Variants in SEMA3E observed in about 807,000 individuals in gnomAD.
SEMA3E encodes the protein semaphorin-3E.
Under a neutral mutation model 93.6 loss-of-function variants are expected in SEMA3E, and 49 were observed. That is an observed-to-expected ratio of 0.52 (90% CI 0.42 to 0.66). The LOEUF is 0.66. SEMA3E is among the 30% of genes least tolerant of loss of function. The pLI, the probability that SEMA3E is intolerant of heterozygous loss-of-function variation, is 0.00. For synonymous variants in SEMA3E, 363 were observed against 330.7 expected (o/e 1.10, Z -1.06); for missense variants, 906 against 964.8 (o/e 0.94, Z 0.81).
chr7:83,417,903 TA>T (rs1357302794), intron 5 of SEMA3E, among the ~76,000 whole-genome samples: 3 of 152,122 alleles, frequency 2.0e-5, no homozygotes, highest in East Asian at 3.9e-4. Context: ...GTTTACATTC[TA>T]GATTAACAGA....
chr7:83,459,342 C>A (rs1789561393), intron 4 of SEMA3E, among the ~76,000 whole-genome samples: 1 of 152,032 alleles, frequency 6.6e-6, no homozygotes, highest in Non-Finnish European at 1.5e-5. Context: ...ATTCTATAAC[C>A]AAGGAAAATT....
intron 1 of SEMA3E, among the ~76,000 whole-genome samples, chr7:83,643,802 A>C (rs906680742): frequency 9.9e-5 from 15 of 151,994 alleles, no homozygotes; most frequent in African/African-American, 3.4e-4. Flanking sequence ...CTTAATTCTC[A>C]CTGTCTCTCC....
intron 4 of SEMA3E, among the ~76,000 whole-genome samples, chr7:83,437,491 CT>C (rs563728205): frequency 2.6e-5 from 4 of 151,982 alleles, no homozygotes; most frequent in East Asian, 3.9e-4. Flanking sequence ...ATAACATAAA[CT>C]TTTTTTCACT....
intron 2 of SEMA3E, among the ~76,000 whole-genome samples, chr7:83,489,019 A>G (rs1790324637): frequency 6.6e-6 from 1 of 152,110 alleles, no homozygotes; most frequent in South Asian, 2.1e-4. Context: ...AAGGGAGGGA[A>G]AAGTGTGATA....
chr7:83,513,769 A>G (rs528341513), intron 1 of SEMA3E, among the ~76,000 whole-genome samples: 5 of 152,192 alleles, frequency 3.3e-5, no homozygotes, highest in Non-Finnish European at 5.9e-5. Flanking sequence ...TCAAATATTA[A>G]TAAATTATAT....
At chr7:83,587,640 A>G (rs1277019087) in intron 1 of SEMA3E, among the ~76,000 whole-genome samples, 1 of 152,120 alleles carries the variant, frequency 6.6e-6, no homozygotes, top group Non-Finnish European at 1.5e-5. Flanking sequence ...AACCATTTGT[A>G]TATATATAAA....
chr7:83,387,989 A>G (rs1278873236), intron 14 of SEMA3E, among the ~76,000 whole-genome samples: 1 of 146,528 alleles, frequency 6.8e-6, no homozygotes, highest in Non-Finnish European at 1.5e-5. Context: ...TATATATATT[A>G]TGTATATAAT....
intron 1 of SEMA3E, among the ~76,000 whole-genome samples, chr7:83,595,088 G>A (rs1792842171): frequency 6.6e-6 from 1 of 151,990 alleles, no homozygotes; most frequent in African/African-American, 2.4e-5. Flanking sequence ...GTGAAGGAAG[G>A]CTAAACTAAA....
intron 1 of SEMA3E, among the ~76,000 whole-genome samples, chr7:83,627,595 C>T (rs1448301992): frequency 7.6e-6 from 1 of 132,348 alleles, no homozygotes; most frequent in East Asian, 2.2e-4. Context: ...GGTTTAAAGG[C>T]TGTTTTATCA....
chr7:83,573,449 T>G (rs1270673597), intron 1 of SEMA3E, among the ~76,000 whole-genome samples: 2 of 152,102 alleles, frequency 1.3e-5, no homozygotes, highest in African/African-American at 4.8e-5. Flanking sequence ...TCTTAAAAAT[T>G]TTCATAGGAA....
chr7:83,553,647 A>G (rs990980423), intron 1 of SEMA3E, among the ~76,000 whole-genome samples: 8 of 152,080 alleles, frequency 5.3e-5, no homozygotes, highest in Admixed American at 5.2e-4. Flanking sequence ...GCTTTTAGGG[A>G]CCTCAAAACA....
chr7:83,522,543 C>T (rs1380540923), intron 1 of SEMA3E, among the ~76,000 whole-genome samples: 1 of 151,844 alleles, frequency 6.6e-6, no homozygotes, highest in East Asian at 1.9e-4. Flanking sequence ...TTGTCTTTTC[C>T]CCTCCTTCCT....
At chr7:83,375,898 C>T (rs10954721) in intron 16 of SEMA3E, among the ~76,000 whole-genome samples, 144,612 of 152,092 alleles carry the variant, frequency 0.95, 69,176 homozygotes, top group East Asian at 1. Context: ...ACTCTGTCTC[C>T]GCCATTGTAA....
At chr7:83,563,310 C>A (rs1792075963) in intron 1 of SEMA3E, among the ~76,000 whole-genome samples, 1 of 152,186 alleles carries the variant, frequency 6.6e-6, no homozygotes, top group Non-Finnish European at 1.5e-5. Flanking sequence ...AGAGAAATAG[C>A]ATTCAACAAA....
At chr7:83,400,325 A>G in intron 10 of SEMA3E, 75 bp from the exon 11 acceptor site, 2 of 1,300,954 alleles carry the variant, frequency 1.5e-6, no homozygotes, top group Non-Finnish European at 2.2e-6. Flanking sequence ...TTATGAGAAG[A>G]ATCAGAAAAA....
intron 1 of SEMA3E, among the ~76,000 whole-genome samples, chr7:83,618,770 T>A (rs1793480892): frequency 1.3e-5 from 2 of 152,024 alleles, no homozygotes; most frequent in African/African-American, 4.8e-5. Flanking sequence ...TGCCCAAAGA[T>A]AAATACAATA....
intron 4 of SEMA3E, among the ~76,000 whole-genome samples, chr7:83,443,678 T>C (rs527482049): frequency 9.9e-5 from 15 of 152,234 alleles, no homozygotes; most frequent in African/African-American, 3.4e-4. Context: ...ATATATATAC[T>C]TGCATATATG....
At chr7:83,624,939 A>G (rs539105303) in intron 1 of SEMA3E, among the ~76,000 whole-genome samples, 1 of 152,334 alleles carries the variant, frequency 6.6e-6, no homozygotes, top group South Asian at 2.1e-4. Flanking sequence ...AGTTCTCTGC[A>G]TATAGCTAGC....
chr7:83,365,612 T>C lies in SEMA3E; in HGVS notation c.*1974A>G, dbSNP rs543659620. ...CCTATTGCTTCAGTTACCAAATATT[T>C]AGTTTACAAGTTACACCATTGTTAT... On this transcript the variant is annotated 3_prime_UTR_variant, in exon 17 of 17. Transcript: ENST00000643230. The C allele has an allele frequency of 9.2e-5, 14 of 152,332 alleles. 1 individual carries two copies. The South Asian group carries it at 2.9e-3, about 32-fold the overall frequency. The allele number at this position is 152,332 out of a possible 1,614,324, so 9.4% of individuals were successfully genotyped here.
Sources: allele counts gnomAD v4.1 joint callset (sites outside exome capture counted in the v4.1 genomes callset), GRCh38; gene constraint gnomAD v4.1.1; transcripts MANE v1.5; gene names NCBI Gene and HGNC (gene_info 2026-07-23, HGNC 2026-07-21).